FAM204A: variants seen among roughly 807,000 people sequenced by gnomAD.
FAM204A encodes protein FAM204A.
Under a neutral mutation model 35.4 loss-of-function variants are expected in FAM204A, and 16 were observed. The observed-to-expected ratio is 0.45, with a 90% CI of 0.31 to 0.69. The LOEUF (loss-of-function observed/expected upper bound fraction) is 0.69. Ranked by LOEUF, FAM204A falls within the 30% of genes least tolerant of loss-of-function variation. The probability of loss-of-function intolerance (pLI) is 0.07; values close to 1 mark genes in which losing one functional copy is unlikely to be tolerated. For missense variants in FAM204A, 240 were observed against 265.7 expected (o/e 0.90, Z 0.67); for synonymous variants, 76 against 86.9 (o/e 0.88, Z 0.70).
rs200200755 is a variant in FAM204A, at chr10:118,321,724, C to CAAAA, written c.543+4426_543+4429dup. ...TTTCTAAAACTGCAGTATGACAAAG[C>CAAAA]AAAAAAAAAAAAAAAAAAAAGAATC... On this transcript the variant is annotated intron_variant, in intron 7 of 8. Transcript: ENST00000369183. Among the ~76,000 whole-genome samples the CAAAA allele has an allele frequency of 4.2e-3, 365 of 87,204 alleles. 4 individuals carry two copies. Among genetic ancestry groups the CAAAA allele is most frequent in the Middle Eastern group, 0.02 (2 of 102 alleles). The allele number at this position is 87,204 out of a possible 152,430, so 57.2% of individuals were successfully genotyped here.
intron 2 of FAM204A, chr10:118,337,159 T>C (rs1292793028): frequency 1.2e-6 from 1 of 813,658 alleles, no homozygotes; most frequent in Admixed American, 6.2e-5. Flanking sequence ...ACCATTAAGT[T>C]TAATAAAATG....
chr10:118,313,535 T>G (rs1280455752), intron 7 of FAM204A, among the ~76,000 whole-genome samples: 1 of 152,228 alleles, frequency 6.6e-6, no homozygotes. Flanking sequence ...TCTTCTGCTG[T>G]AAATCATAGC....
intron 7 of FAM204A, among the ~76,000 whole-genome samples, chr10:118,323,438 A>G (rs1846150583): frequency 6.6e-6 from 1 of 152,120 alleles, no homozygotes; most frequent in Non-Finnish European, 1.5e-5. Flanking sequence ...TATCATCACT[A>G]GTAATGCACT....
chr10:118,322,015 G>T lies in FAM204A; in HGVS notation c.543+4139C>A, dbSNP rs1210625941. Among the ~76,000 whole-genome samples, 3 of 152,050 alleles carry T rather than the reference G, an allele frequency of 2.0e-5. No homozygotes were observed. In the East Asian group the frequency reaches 5.8e-4, roughly 29 times the overall value. On this transcript the variant is annotated intron_variant, in intron 7 of 8. Transcript: ENST00000369183. ...AGAAATTTAGCAAAGGCACACAAAA[G>T]ATTCTATAATCCAACAGCTCACTTA...
chr10:118,338,139 T>C (rs557926342), intron 2 of FAM204A, among the ~76,000 whole-genome samples: 1 of 152,348 alleles, frequency 6.6e-6, no homozygotes, highest in South Asian at 2.1e-4. Context: ...CCTAGTTTTC[T>C]ATTCAGAATT....
At chr10:118,329,150 C>T (rs753948605) in intron 6 of FAM204A, among the ~76,000 whole-genome samples, 26 of 152,292 alleles carry the variant, frequency 1.7e-4, no homozygotes, top group Middle Eastern at 3.4e-3. Context: ...ATCTTCAATG[C>T]TTCCAACCCC....
At position 118,305,751 on chromosome 10, in the gene FAM204A, A is replaced by G. The variant is rs745559345; in HGVS notation, c.*5106T>C. 1.3e-5 allele frequency: 2 copies of G among 152,210 alleles called. No individual in the cohort carries two copies. The highest frequency in any genetic ancestry group is 2.9e-5 in the Non-Finnish European group (2 of 68,040). 9.4% of individuals were successfully genotyped at this position (152,210 alleles called of 1,614,324 possible). A position where few individuals can be genotyped will look rare whatever the true frequency, so the allele number is the denominator to read the frequency against. The stretch of plus-strand genomic sequence containing the variant: ...GCTTATTCATCCTTGCATCTGCAAG[A>G]GTTAGTTTATCTGACATATAGTAGG... On this transcript the variant is annotated 3_prime_UTR_variant, in exon 9 of 9. Transcript: ENST00000369183.
intron 2 of FAM204A, among the ~76,000 whole-genome samples, chr10:118,338,398 T>C (rs1429288355): frequency 1.3e-5 from 2 of 152,248 alleles, no homozygotes; most frequent in Non-Finnish European, 2.9e-5. Context: ...AGTTCCAGTA[T>C]GACTTGGCCA....
At chr10:118,331,886 A>G (rs570994414) in intron 6 of FAM204A, among the ~76,000 whole-genome samples, 3 of 149,290 alleles carry the variant, frequency 2.0e-5, no homozygotes, top group African/African-American at 7.3e-5. Context: ...CTTAAAATCA[A>G]TTGAGTCGGC....
intron 6 of FAM204A, among the ~76,000 whole-genome samples, chr10:118,328,716 C>T (rs908778835): frequency 1.3e-5 from 2 of 152,130 alleles, no homozygotes; most frequent in Non-Finnish European, 2.9e-5. Context: ...TGGTCTCAAT[C>T]TCCTGACCTC....
In FAM204A at chr10:118,335,143, G is replaced by T; in HGVS notation, c.424C>A (p.Pro142Thr). The change falls in exon 6 of 9, where the codon CCG (proline) becomes ACG (threonine). Residue 142 changes from proline (P) to threonine (T), a missense_variant. By Grantham distance (38) the Pro-to-Thr change is conservative. This residue lies in a region of FAM204A where 232 missense variants were observed against 242.8 expected (regional missense o/e 0.96). Transcript: ENST00000369183. Reference protein sequence around the residue: ...QYFGVNDRFDPPVKRKKVEKS... With the variant: ...QYFGVNDRFDTPVKRKKVEKS... ...TCAACTTTTTTCCTTTTAACAGGCGGGTCAAATCTATCATTGACTCCAAAA... is the reference window on the plus strand; with the variant it reads ...TCAACTTTTTTCCTTTTAACAGGCGTGTCAAATCTATCATTGACTCCAAAA... 1 of 1,613,160 alleles carries T rather than the reference G, an allele frequency of 6.2e-7. No individual in the cohort carries two copies. The highest frequency in any genetic ancestry group is 1.7e-5 in the Admixed American group (1 of 59,914).
At chr10:118,338,102 C>A (rs1387351088) in intron 2 of FAM204A, among the ~76,000 whole-genome samples, 1 of 152,150 alleles carries the variant, frequency 6.6e-6, no homozygotes, top group Admixed American at 6.5e-5. Context: ...GATTCCTCAT[C>A]TGCACAGGTC....
rs1214170186 is a variant in FAM204A at position 118,300,972 on chromosome 10, A to T, written c.*9885T>A. The T allele has an allele frequency of 6.6e-6, 1 of 152,224 alleles. No homozygotes were observed. Among genetic ancestry groups the T allele is most frequent in the Non-Finnish European group, 1.5e-5 (1 of 68,044 alleles). 9.4% of individuals were successfully genotyped at this position (152,224 alleles called of 1,614,324 possible). A position where few individuals can be genotyped will look rare whatever the true frequency, so the allele number is the denominator to read the frequency against. Reference sequence around the variant, plus strand: ...CCTCACACAGTAAGCATTATTAACAACAGCACTTTACAAATAGAAATTTGT... The same window carrying T: ...CCTCACACAGTAAGCATTATTAACATCAGCACTTTACAAATAGAAATTTGT... On this transcript the variant is annotated 3_prime_UTR_variant, in exon 9 of 9. Transcript: ENST00000369183.
chr10:118,332,331 G>A (rs973010945), intron 6 of FAM204A, among the ~76,000 whole-genome samples: 1 of 151,874 alleles, frequency 6.6e-6, no homozygotes, highest in Non-Finnish European at 1.5e-5. Context: ...TTCTTTATCT[G>A]TATTCTGAGA....
At chr10:118,333,247 T>C (rs1194007292) in intron 6 of FAM204A, among the ~76,000 whole-genome samples, 1 of 152,150 alleles carries the variant, frequency 6.6e-6, no homozygotes, top group Non-Finnish European at 1.5e-5. Flanking sequence ...TCCTAGAGGG[T>C]TGAGTGAATA....
rs760423821 is a variant in FAM204A, at chr10:118,310,957, T to A, written c.651-49A>T. On this transcript the variant is annotated intron_variant, in intron 8 of 8. Coordinates refer to ENST00000369183, the MANE Select transcript of FAM204A (RefSeq NM_022063.3). Reference sequence around the variant, plus strand: ...TCAATTTATTTCTTAAAAAAAAAAATACTTTGCTGAACATGTTTACTTAGA... The same window carrying A: ...TCAATTTATTTCTTAAAAAAAAAAAAACTTTGCTGAACATGTTTACTTAGA... 26 of 1,440,814 alleles carry A rather than the reference T, an allele frequency of 1.8e-5. No individual in the cohort carries two copies. The Admixed American group carries it at 2.0e-4, about 11-fold the overall frequency. The allele number at this position is 1,440,814 out of a possible 1,614,324, so 89.3% of individuals were successfully genotyped here.
rs1219801562 is a variant in FAM204A, at chr10:118,304,087, G to A, written c.*6770C>T. ...ATGTCTGATTTGGCCAAGATCACCG[G>A]TGCCATCTGATGCTAACTCCAACAG... On this transcript the variant is annotated 3_prime_UTR_variant, in exon 9 of 9. Coordinates refer to ENST00000369183, the MANE Select transcript of FAM204A (RefSeq NM_022063.3). 1 of 152,120 alleles carries A rather than the reference G, an allele frequency of 6.6e-6. No homozygotes were observed. The highest frequency in any genetic ancestry group is 2.4e-5 in the African/African-American group (1 of 41,406). The allele number at this position is 152,120 out of a possible 1,614,324, so 9.4% of individuals were successfully genotyped here.
At chr10:118,311,184 C>T in intron 8 of FAM204A, 23 bp downstream of exon 8, 1 of 1,587,134 alleles carries the variant, frequency 6.3e-7, no homozygotes, top group Non-Finnish European at 8.6e-7. Context: ...AGATTTACTA[C>T]CAAAAATCTT....
intron 7 of FAM204A, among the ~76,000 whole-genome samples, chr10:118,320,752 G>C (rs1846101158): frequency 6.6e-6 from 1 of 151,828 alleles, no homozygotes; most frequent in South Asian, 2.1e-4. Flanking sequence ...TGAAGTGACT[G>C]AGACATCCCC....
Sources: gnomAD v4.1 joint callset for allele counts (sites outside exome capture counted in the v4.1 genomes callset) on GRCh38, gnomAD v4.1.1 for gene constraint, gnomAD v4.1.1 regional missense constraint, MANE v1.5 for transcripts, NCBI Gene and HGNC (gene_info 2026-07-23, HGNC 2026-07-21) for gene names.